The following FBXO31 variants were observed in gnomAD, a reference collection of about 807,000 sequenced individuals.
The protein encoded by FBXO31 is F-box only protein 31.
A neutral mutation model predicts 54.4 loss-of-function variants in FBXO31; 24 were observed. That is an observed-to-expected ratio of 0.44 (90% CI 0.32 to 0.62). The LOEUF (loss-of-function observed/expected upper bound fraction) is 0.62. Among genes scored for constraint, FBXO31 ranks in the 20% least tolerant of loss-of-function variants. The pLI is 0.05. For missense variants in FBXO31, 665 were observed against 787.1 expected (o/e 0.84, Z 1.86); for synonymous variants, 388 against 335.6 (o/e 1.16, Z -1.71).
intron 1 of FBXO31, among the ~76,000 whole-genome samples, chr16:87,365,026 TATATATATATATA>T: frequency 9.5e-6 from 1 of 105,368 alleles, no homozygotes; most frequent in Middle Eastern, 4.5e-3. Context: ...TATATATATA[TATATATATATATA>T]TCAGGCAGGC....
chr16:87,383,844 C>T (rs1029271909), upstream of FBXO31: 4 of 867,264 alleles, frequency 4.6e-6, no homozygotes, highest in Non-Finnish European at 5.8e-6. The surrounding 1 kb of genome is among the most constrained non-coding windows in gnomAD (Gnocchi z 4.9). Context: ...GCTCGCCACG[C>T]CCCCTGGAGA....
chr16:87,363,313 G>C (rs1906215845), intron 1 of FBXO31, among the ~76,000 whole-genome samples: 1 of 152,184 alleles, frequency 6.6e-6, no homozygotes, highest in Non-Finnish European at 1.5e-5. Flanking sequence ...GAACTCAGGA[G>C]GCAGAGGTGG....
At chr16:87,371,095 C>T (rs1369972195) in intron 1 of FBXO31, among the ~76,000 whole-genome samples, 1 of 152,196 alleles carries the variant, frequency 6.6e-6, no homozygotes, top group African/African-American at 2.4e-5. Flanking sequence ...AACACTCCCA[C>T]AGCCAGCATC....
At chr16:87,385,481 A>C (rs1358907468), upstream of FBXO31, among the ~76,000 whole-genome samples, 3 of 135,946 alleles carry the variant, frequency 2.2e-5, no homozygotes, top group East Asian at 5.8e-4. Flanking sequence ...AATGGTTTCA[A>C]CTAATAACAT....
rs528427644 is a variant in FBXO31 at position 87,343,876 on chromosome 16, C to T, written c.490-111G>A. On this transcript the variant is annotated intron_variant, in intron 3 of 8. Transcript: ENST00000311635. ...CACAGAGAAGCTCCTGCCAGACCAGCACATGGGACCTGCACGCCCACCCTC... is the reference window on the plus strand; with the variant it reads ...CACAGAGAAGCTCCTGCCAGACCAGTACATGGGACCTGCACGCCCACCCTC... The T allele has an allele frequency of 5.1e-6, 6 of 1,171,692 alleles. No homozygotes were observed. The African/African-American group carries it at 9.1e-5, about 18-fold the overall frequency. The allele number at this position is 1,171,692 out of a possible 1,614,324, so 72.6% of individuals were successfully genotyped here.
upstream of FBXO31, chr16:87,383,838 G>GC: frequency 1.1e-6 from 1 of 914,928 alleles, no homozygotes; most frequent in Non-Finnish European, 1.4e-6. The surrounding 1 kb of genome is among the most constrained non-coding windows in gnomAD (Gnocchi z 4.9). Context: ...CGCAGAGCTC[G>GC]CCACGCCCCC....
At chr16:87,337,239 C>T (rs909119157) in intron 5 of FBXO31, among the ~76,000 whole-genome samples, 2 of 152,226 alleles carry the variant, frequency 1.3e-5, no homozygotes, top group Admixed American at 6.5e-5. Flanking sequence ...TTACAAAATA[C>T]GTTTAAGATC....
At chr16:87,361,214 T>C (rs1906116901) in intron 1 of FBXO31, among the ~76,000 whole-genome samples, 1 of 152,216 alleles carries the variant, frequency 6.6e-6, no homozygotes, top group Admixed American at 6.5e-5. Context: ...ATCACCTCAC[T>C]GCATCCTACA....
intron 1 of FBXO31, among the ~76,000 whole-genome samples, chr16:87,365,151 T>G (rs1906314324): frequency 6.8e-6 from 1 of 147,012 alleles, no homozygotes; most frequent in East Asian, 2.0e-4. Context: ...AAACTGGGAG[T>G]AGAAGGAGGT....
rs575179352 is a variant in FBXO31, at chr16:87,361,603, G to A, written c.341-1237C>T. 1.9e-4 allele frequency among the ~76,000 whole-genome samples: 29 copies of A among 152,330 alleles called. 1 individual carries two copies. In the East Asian group the frequency reaches 5.2e-3, roughly 27 times the overall value. On this transcript the variant is annotated intron_variant, in intron 1 of 8. Transcript: ENST00000311635. ...CAATACAGGAACGTCGATACGATGC[G>A]GTCAGGCTAGCCAGGTAGCTCCAAA...
intron 3 of FBXO31, among the ~76,000 whole-genome samples, chr16:87,344,652 T>C (rs990116434): frequency 9.2e-5 from 14 of 151,910 alleles, no homozygotes; most frequent in African/African-American, 3.4e-4. Flanking sequence ...TTTTTTTTTT[T>C]ACTCTATTAC....
chr16:87,337,967 G>A (rs1905082690), intron 5 of FBXO31, among the ~76,000 whole-genome samples: 1 of 152,130 alleles, frequency 6.6e-6, no homozygotes, highest in African/African-American at 2.4e-5. Context: ...TAAAACCTGA[G>A]TGGCTGAACT....
chr16:87,383,953 A>G (rs886313932), upstream of FBXO31: 6 of 263,652 alleles, frequency 2.3e-5, no homozygotes, highest in African/African-American at 1.4e-4. The surrounding 1 kb of genome is among the most constrained non-coding windows in gnomAD (Gnocchi z 4.9). Flanking sequence ...CCTCCCCTCC[A>G]GCGTGAGGGC....
At position 87,383,663 on chromosome 16, in the gene FBXO31, T is replaced by A; in HGVS notation, c.82A>T (p.Thr28Ser). 3.0e-6 allele frequency: 4 copies of A among 1,322,362 alleles called. No homozygotes were observed. The highest frequency in any genetic ancestry group is 3.8e-6 in the Non-Finnish European group (4 of 1,041,110). 81.9% of individuals were successfully genotyped at this position (1,322,362 alleles called of 1,614,324 possible). A position where few individuals can be genotyped will look rare whatever the true frequency, so the allele number is the denominator to read the frequency against. The change falls in exon 1 of 9, where the codon ACG becomes TCG. Residue 28 changes from threonine to serine, a missense_variant. Thr to Ser is a moderately conservative substitution (Grantham distance 58). Around this residue, in one of 4 missense-constraint regions of FBXO31, gnomAD observed 195 missense variants for 174.8 expected, o/e 1.12. Transcript: ENST00000311635. This position sits in a 1 kb window ranked among gnomAD's most constrained non-coding sequence, Gnocchi z 4.9. ...TCCGGCTCGCTGTCGGCCGCCGCCG[T>A]CTCGGCCGGGCCCCGGCGCTGCTGG... ...RRQQRRGPAE[T>S]AAADSEPDTD...
chr16:87,337,534 A>G (rs559911610), intron 5 of FBXO31, among the ~76,000 whole-genome samples: 1 of 152,350 alleles, frequency 6.6e-6, no homozygotes, highest in South Asian at 2.1e-4. Context: ...GGACTTGCCC[A>G]GTATAAGCTC....
At chr16:87,359,391 G>A (rs1479193612) in intron 2 of FBXO31, among the ~76,000 whole-genome samples, 2 of 152,176 alleles carry the variant, frequency 1.3e-5, no homozygotes, top group Non-Finnish European at 2.9e-5. Context: ...CAGCTGGAAG[G>A]AGCATCCATG....
chr16:87,378,872 G>C (rs1906946293), intron 1 of FBXO31, among the ~76,000 whole-genome samples: 1 of 150,916 alleles, frequency 6.6e-6, no homozygotes, highest in African/African-American at 2.4e-5. Context: ...TGAGGCAGGA[G>C]AATGGCGTGA....
upstream of FBXO31, among the ~76,000 whole-genome samples, chr16:87,387,680 G>A (rs939220611): frequency 2.0e-5 from 3 of 152,274 alleles, no homozygotes; most frequent in South Asian, 4.1e-4. Flanking sequence ...GTTGGCGGGC[G>A]CCTATAGTCC....
chr16:87,347,611 T>C lies in FBXO31; in HGVS notation c.413-361A>G, dbSNP rs368816174. ...AGGAGAATGGCATGAACCTGGGAGG[T>C]GGAGCTTGCAGTGAGCCGAGATCAC... On this transcript the variant is annotated intron_variant, in intron 2 of 8. Transcript: ENST00000311635. Among the ~76,000 whole-genome samples the C allele has an allele frequency of 7.4e-3, 920 of 124,346 alleles. 8 individuals carry two copies. Among genetic ancestry groups the C allele is most frequent in the African/African-American group, 0.028 (867 of 31,368 alleles). The allele number at this position is 124,346 out of a possible 152,430, so 81.6% of individuals were successfully genotyped here.
Sources: gnomAD v4.1 joint callset for allele counts (sites outside exome capture counted in the v4.1 genomes callset) on GRCh38, gnomAD v4.1.1 for gene constraint, gnomAD v4.1.1 regional missense constraint, Gnocchi (gnomAD v3.1) non-coding constraint, MANE v1.5 for transcripts, NCBI Gene and HGNC (gene_info 2026-07-23, HGNC 2026-07-21) for gene names.